ARHGAP20: variants seen among roughly 807,000 people sequenced by gnomAD.
ARHGAP20 encodes the protein Rho GTPase activating protein 20, also known as rho GTPase-activating protein 20.
ARHGAP20 carries 34 observed loss-of-function variants against 73.7 expected under a neutral mutation model. That is an observed-to-expected ratio of 0.46 (90% confidence interval 0.35 to 0.61). The LOEUF is 0.61. Ranked by LOEUF, ARHGAP20 falls within the 20% of genes least tolerant of loss-of-function variation. The pLI, the probability that ARHGAP20 is intolerant of heterozygous loss-of-function variation, is 0.00. For missense variants in ARHGAP20, 1,314 were observed against 1,420.9 expected, an observed-to-expected ratio of 0.92 and a Z score of 1.21; for synonymous variants, 523 against 518.2, an observed-to-expected ratio of 1.01 and a Z score of -0.13.
At chr11:110,678,280 A>C (rs1359396167) in intron 2 of ARHGAP20, among the ~76,000 whole-genome samples, 1 of 152,240 alleles carries the variant, frequency 6.6e-6, no homozygotes, top group Non-Finnish European at 1.5e-5. Flanking sequence ...ATGAAAATGA[A>C]GATTTTGGTG....
At chr11:110,618,610 A>G (rs1228803038) in intron 4 of ARHGAP20, among the ~76,000 whole-genome samples, 1 of 151,832 alleles carries the variant, frequency 6.6e-6, no homozygotes, top group Non-Finnish European at 1.5e-5. Flanking sequence ...GTGATAGAGT[A>G]TATGCAGTGA....
intron 2 of ARHGAP20, among the ~76,000 whole-genome samples, chr11:110,634,488 T>A (rs1258844969): frequency 6.6e-6 from 1 of 152,118 alleles, no homozygotes; most frequent in Non-Finnish European, 1.5e-5. Flanking sequence ...TTTAAAAAAT[T>A]CTATGTAGTC....
intron 11 of ARHGAP20, among the ~76,000 whole-genome samples, chr11:110,587,836 C>T (rs1947711699): frequency 6.6e-6 from 1 of 152,044 alleles, no homozygotes. Context: ...ATTATATCTT[C>T]TAGCAGAAAT....
intron 1 of ARHGAP20, among the ~76,000 whole-genome samples, chr11:110,700,719 T>C (rs1005793204): frequency 1.4e-5 from 2 of 147,152 alleles, no homozygotes; most frequent in African/African-American, 5.0e-5. Flanking sequence ...AGGTATATCT[T>C]CCAGTGCTAT....
intron 2 of ARHGAP20, among the ~76,000 whole-genome samples, chr11:110,642,860 C>G (rs944658769): frequency 6.6e-6 from 1 of 152,088 alleles, no homozygotes; most frequent in Non-Finnish European, 1.5e-5. Flanking sequence ...AGAACTGGTA[C>G]AAACTCTTCT....
chr11:110,660,744 G>C (rs1949590839), intron 2 of ARHGAP20, among the ~76,000 whole-genome samples: 2 of 152,084 alleles, frequency 1.3e-5, no homozygotes, highest in South Asian at 4.1e-4. Flanking sequence ...AGCATGTGCT[G>C]TTGCTATTCT....
chr11:110,686,446 A>C (rs12277963), intron 2 of ARHGAP20, among the ~76,000 whole-genome samples: 3,558 of 152,230 alleles, frequency 0.023, 151 homozygotes, highest in African/African-American at 0.082. Context: ...ACCCCTGGGG[A>C]TGGAGTAGAG....
intron 2 of ARHGAP20, among the ~76,000 whole-genome samples, chr11:110,658,594 G>A (rs189056209): frequency 9.9e-5 from 15 of 152,150 alleles, no homozygotes; most frequent in Admixed American, 2.0e-4. Context: ...GAGAAGGAAA[G>A]CAGACAAAAA....
intron 2 of ARHGAP20, among the ~76,000 whole-genome samples, chr11:110,670,036 T>C (rs908925256): frequency 6.6e-6 from 1 of 152,132 alleles, no homozygotes; most frequent in Non-Finnish European, 1.5e-5. Context: ...ACCTATCAAG[T>C]AGCTCACTGA....
At position 110,703,604 on chromosome 11, in the gene ARHGAP20, A is replaced by G. The variant is rs556849206; in HGVS notation, c.105+8523T>C. On this transcript the variant is annotated intron_variant, in intron 1 of 14. Transcript: ENST00000683387. ...TAATGTAACAGACAGTAAACTTTAA[A>G]GTGGTTAAGTGCTGTATATAAATAA... is the stretch of plus-strand genomic sequence containing the variant. Among the ~76,000 whole-genome samples, 6 of 152,162 alleles carry G rather than the reference A, an allele frequency of 3.9e-5. No homozygotes were observed. The South Asian group carries it at 1.2e-3, about 32-fold the overall frequency.
intron 10 of ARHGAP20, among the ~76,000 whole-genome samples, chr11:110,591,586 G>C (rs183859452): frequency 1.4e-4 from 21 of 152,326 alleles, no homozygotes; most frequent in African/African-American, 4.8e-4. Context: ...TTATGCGTGA[G>C]CACTTGAAAT....
At chr11:110,625,193 G>A (rs1001906822) in intron 3 of ARHGAP20, among the ~76,000 whole-genome samples, 7 of 150,190 alleles carry the variant, frequency 4.7e-5, no homozygotes, top group South Asian at 2.1e-4. Flanking sequence ...GCCCGCCACC[G>A]CGCCCGGCTA....
chr11:110,678,182 T>C (rs1949970151), intron 2 of ARHGAP20, among the ~76,000 whole-genome samples: 1 of 151,728 alleles, frequency 6.6e-6, no homozygotes, highest in Admixed American at 6.6e-5. Context: ...TAGACAACAG[T>C]TGAGTGGTTG....
intron 2 of ARHGAP20, among the ~76,000 whole-genome samples, chr11:110,643,252 T>C (rs902651709): frequency 1.3e-5 from 2 of 152,106 alleles, no homozygotes; most frequent in African/African-American, 4.8e-5. Flanking sequence ...TTTGTATAGA[T>C]TTTTATGTCT....
At chr11:110,623,656 T>C (rs1167396111) in intron 4 of ARHGAP20, among the ~76,000 whole-genome samples, 2 of 152,246 alleles carry the variant, frequency 1.3e-5, no homozygotes, top group Non-Finnish European at 2.9e-5. Flanking sequence ...GTATAAACCA[T>C]TAATTGAAAC....
intron 1 of ARHGAP20, among the ~76,000 whole-genome samples, chr11:110,695,405 C>T (rs1263803274): frequency 2.0e-5 from 3 of 151,534 alleles, no homozygotes; most frequent in African/African-American, 7.3e-5. Flanking sequence ...AGACAACACA[C>T]AGAATGGGAA....
intron 8 of ARHGAP20, among the ~76,000 whole-genome samples, chr11:110,607,699 T>C (rs1262584630): frequency 6.6e-6 from 1 of 152,120 alleles, no homozygotes; most frequent in East Asian, 1.9e-4. Context: ...TCTATGACAA[T>C]AATAAAACAA....
intron 1 of ARHGAP20, among the ~76,000 whole-genome samples, chr11:110,707,351 T>G (rs1021213104): frequency 6.6e-6 from 1 of 152,174 alleles, no homozygotes; most frequent in Non-Finnish European, 1.5e-5. Flanking sequence ...TCCTCAAGGA[T>G]GTATTATTCC....
At chr11:110,630,457 A>G (rs1302450435) in intron 3 of ARHGAP20, among the ~76,000 whole-genome samples, 171 bp downstream of exon 3, 1 of 149,686 alleles carries the variant, frequency 6.7e-6, no homozygotes, top group Admixed American at 6.9e-5. Flanking sequence ...ACACTTGTTG[A>G]AAAAATGAAC....
Sources: gnomAD v4.1 joint callset for allele counts (sites outside exome capture counted in the v4.1 genomes callset) on GRCh38, gnomAD v4.1.1 for gene constraint, MANE v1.5 for transcripts, NCBI Gene and HGNC (gene_info 2026-07-23, HGNC 2026-07-21) for gene names.